Variants in MGRN1 observed in about 807,000 individuals in gnomAD.
MGRN1 encodes the protein mahogunin ring finger 1, also known as E3 ubiquitin-protein ligase MGRN1.
In MGRN1, 29 loss-of-function variants were observed where a neutral mutation model predicts 69.2. The observed-to-expected ratio is 0.42, with a 90% CI of 0.31 to 0.57. MGRN1 has a LOEUF of 0.57. Among genes scored for constraint, MGRN1 ranks in the 20% least tolerant of loss-of-function variants. MGRN1 has a pLI of 0.15. For synonymous variants in MGRN1, 470 were observed against 344.2 expected (o/e 1.37, Z -4.04); for missense variants, 998 against 796.2 (o/e 1.25, Z -3.05).
intron 5 of MGRN1, among the ~76,000 whole-genome samples, chr16:4,659,831 T>G (rs1333408064): frequency 6.7e-6 from 1 of 149,552 alleles, no homozygotes; most frequent in Non-Finnish European, 1.5e-5. Context: ...TGGCCTGAGA[T>G]TTCTTCCAGG....
chr16:4,661,478 C>G (rs2078681011), intron 5 of MGRN1, among the ~76,000 whole-genome samples: 2 of 152,246 alleles, frequency 1.3e-5, no homozygotes, highest in Non-Finnish European at 2.9e-5. Flanking sequence ...AGCCACAGCA[C>G]TTGGAGCTTT....
intron 11 of MGRN1, among the ~76,000 whole-genome samples, chr16:4,678,833 C>T (rs572293651): frequency 1.8e-4 from 28 of 152,362 alleles, no homozygotes; most frequent in Non-Finnish European, 3.8e-4. Context: ...CGTTCACAGA[C>T]AGCGCCTTTG....
chr16:4,664,972 A>C (rs1463161580), intron 6 of MGRN1, 130 bp from the exon 7 acceptor site: 3 of 1,220,534 alleles, frequency 2.5e-6, no homozygotes, highest in Non-Finnish European at 3.6e-6. Context: ...GTCCCAGAAC[A>C]GGCTCAGGAC....
chr16:4,637,041 C>A (rs960332409), intron 1 of MGRN1, among the ~76,000 whole-genome samples: 1 of 149,908 alleles, frequency 6.7e-6, no homozygotes, highest in African/African-American at 2.5e-5. Flanking sequence ...ATGGCGTGAA[C>A]CTGGGAGGTG....
intron 5 of MGRN1, among the ~76,000 whole-genome samples, chr16:4,660,373 C>G (rs2078649673): frequency 6.6e-6 from 1 of 152,354 alleles, no homozygotes; most frequent in African/African-American, 2.4e-5. Flanking sequence ...CGTCTGCCAG[C>G]CGGGGAGTGG....
intron 1 of MGRN1, among the ~76,000 whole-genome samples, chr16:4,644,845 GT>G (rs2078241208): frequency 3.9e-5 from 6 of 152,100 alleles, no homozygotes; most frequent in Admixed American, 3.9e-4. Context: ...GTGATTTTTG[GT>G]ATATTCAGTC....
At chr16:4,683,804 C>G (rs769722742) in intron 15 of MGRN1, 39 bp from the exon 16 acceptor site, 2 of 1,585,788 alleles carry the variant, frequency 1.3e-6, no homozygotes, top group Non-Finnish European at 1.7e-6. Context: ...GGGACCTGGC[C>G]CCTGCCTGTA....
intron 11 of MGRN1, among the ~76,000 whole-genome samples, chr16:4,679,395 C>CT (rs1314067919): frequency 5.3e-5 from 8 of 152,198 alleles, no homozygotes; most frequent in African/African-American, 1.9e-4. Flanking sequence ...CCCAGAAGGG[C>CT]TGGCACCCAG....
At chr16:4,638,398 G>C (rs904755890) in intron 1 of MGRN1, among the ~76,000 whole-genome samples, 21 of 152,176 alleles carry the variant, frequency 1.4e-4, no homozygotes, top group African/African-American at 5.1e-4. Flanking sequence ...CCGGGAGGCA[G>C]AGGTTGCAGT....
intron 1 of MGRN1, among the ~76,000 whole-genome samples, chr16:4,646,614 C>A (rs1323477122): frequency 6.6e-6 from 1 of 152,080 alleles, no homozygotes; most frequent in Non-Finnish European, 1.5e-5. Context: ...TCCCCCAGAG[C>A]CTTAGAAGCC....
intron 1 of MGRN1, among the ~76,000 whole-genome samples, chr16:4,641,267 C>T (rs964088649): frequency 3.9e-5 from 6 of 152,222 alleles, no homozygotes; most frequent in Middle Eastern, 3.2e-3. Context: ...TCCCTTCCTC[C>T]TGCCCCATCA....
Position 4,689,104 on chromosome 16 carries a change from A to T in MGRN1, c.*196A>T. ...AGTCTCCCTTTTCTACAGTTGATATATTTGTAACTGGTACAAGATGAAGGA... is the reference window on the plus strand; with the variant it reads ...AGTCTCCCTTTTCTACAGTTGATATTTTTGTAACTGGTACAAGATGAAGGA... On this transcript the variant is annotated 3_prime_UTR_variant, in exon 17 of 17. Coordinates refer to ENST00000262370, the MANE Select transcript of MGRN1 (RefSeq NM_015246.4). The T allele has an allele frequency of 2.9e-6, 2 of 681,410 alleles. No homozygotes were observed. Among genetic ancestry groups the T allele is most frequent in the East Asian group, 5.9e-5 (2 of 33,732 alleles). 42.2% of individuals were successfully genotyped at this position (681,410 alleles called of 1,614,324 possible).
At chr16:4,686,243 C>G in intron 16 of MGRN1, 2 of 1,541,946 alleles carry the variant, frequency 1.3e-6, no homozygotes, top group Non-Finnish European at 8.7e-7. Context: ...GTCTGTCTCT[C>G]CCCCTCTCCG....
chr16:4,679,904 C>T (rs563355043), intron 11 of MGRN1, 128 bp from the exon 12 acceptor site: 19 of 877,946 alleles, frequency 2.2e-5, no homozygotes, highest in East Asian at 1.7e-4. Context: ...CCGAGATTCA[C>T]GTCCCCCGGA....
intron 5 of MGRN1, among the ~76,000 whole-genome samples, chr16:4,663,416 C>T (rs1369622043): frequency 1.6e-5 from 2 of 127,246 alleles, no homozygotes; most frequent in African/African-American, 2.9e-5. Context: ...TTATAATTAC[C>T]ATCTCCTGCA....
At chr16:4,632,550 C>T (rs978076408) in intron 1 of MGRN1, among the ~76,000 whole-genome samples, 2 of 152,124 alleles carry the variant, frequency 1.3e-5, no homozygotes, top group South Asian at 2.1e-4. Context: ...CCCGCCACTA[C>T]GTCTGGCTAA....
intron 2 of MGRN1, among the ~76,000 whole-genome samples, chr16:4,651,731 A>C (rs1171403382): frequency 6.6e-6 from 1 of 152,044 alleles, no homozygotes; most frequent in Non-Finnish European, 1.5e-5. Context: ...TCTGGCGTTG[A>C]GGCTGCCTGG....
chr16:4,675,915 A>T (rs1055729811), intron 10 of MGRN1, among the ~76,000 whole-genome samples: 1 of 152,168 alleles, frequency 6.6e-6, no homozygotes, highest in African/African-American at 2.4e-5. Context: ...TCAGGGTGAA[A>T]AAACGACCAG....
intron 1 of MGRN1, among the ~76,000 whole-genome samples, chr16:4,637,567 C>G (rs2078061327): frequency 6.6e-6 from 1 of 152,190 alleles, no homozygotes; most frequent in South Asian, 2.1e-4. Context: ...CTAGCCCAGG[C>G]AAGAAATGGA....
Sources: allele counts gnomAD v4.1 joint callset (sites outside exome capture counted in the v4.1 genomes callset), GRCh38; gene constraint gnomAD v4.1.1; transcripts MANE v1.5; gene names NCBI Gene and HGNC (gene_info 2026-07-23, HGNC 2026-07-21).